PTPRE: variants seen among roughly 807,000 people sequenced by gnomAD.
PTPRE encodes the protein receptor-type tyrosine-protein phosphatase epsilon.
PTPRE carries 51 observed loss-of-function variants against 102.0 expected under a neutral mutation model. That is an observed-to-expected ratio of 0.50 (90% confidence interval 0.40 to 0.63). The LOEUF (loss-of-function observed/expected upper bound fraction) is 0.63, where lower values mean the gene tolerates loss of function less well. Among genes scored for constraint, PTPRE ranks in the 30% least tolerant of loss-of-function variants. PTPRE has a pLI of 0.00. For missense variants in PTPRE, 752 were observed against 915.1 expected, an observed-to-expected ratio of 0.82 and a Z score of 2.30; for synonymous variants, 345 against 348.2, an observed-to-expected ratio of 0.99 and a Z score of 0.10.
At chr10:127,977,868 C>T (rs1037717408) in intron 1 of PTPRE, among the ~76,000 whole-genome samples, 3 of 152,128 alleles carry the variant, frequency 2.0e-5, no homozygotes, top group Non-Finnish European at 2.9e-5. Context: ...AGGGCCTTGT[C>T]GGGCTCCCTC....
chr10:128,026,578 T>A (rs1487865076), intron 2 of PTPRE, among the ~76,000 whole-genome samples: 1 of 152,246 alleles, frequency 6.6e-6, no homozygotes, highest in East Asian at 1.9e-4. Flanking sequence ...CCCCTCATCC[T>A]TATTTCTCTG....
At chr10:127,972,134 G>A (rs989691118) in intron 1 of PTPRE, among the ~76,000 whole-genome samples, 1 of 152,148 alleles carries the variant, frequency 6.6e-6, no homozygotes, top group South Asian at 2.1e-4. Flanking sequence ...CATGGGGGAG[G>A]AGGAATCCTT....
chr10:128,073,409 A>T lies in PTPRE; in HGVS notation c.1537A>T (p.Met513Leu), dbSNP rs1485848953. ...LAHTVEDFWR[M>L]IWEWKSHTIV... The stretch of plus-strand genomic sequence containing the variant: ...ACACACGGTTGAGGACTTCTGGAGG[A>T]TGATCTGGGAATGGAAATCCCACAC... Residue 513 changes from methionine to leucine, a missense_variant, in exon 17 of 21, where the codon ATG (methionine) becomes TTG (leucine). This residue lies in a region of PTPRE where 636 missense variants were observed against 824.4 expected (regional missense o/e 0.77). Coordinates refer to ENST00000254667, the MANE Select transcript of PTPRE (RefSeq NM_006504.6). The T allele has an allele frequency of 2.5e-6, 4 of 1,614,054 alleles. No homozygotes were observed. The highest frequency in any genetic ancestry group is 1.7e-5 in the Admixed American group (1 of 60,002).
intron 1 of PTPRE, among the ~76,000 whole-genome samples, chr10:127,971,801 G>C (rs115729868): frequency 3.1e-3 from 477 of 152,332 alleles, no homozygotes; most frequent in African/African-American, 0.01. Flanking sequence ...GGCTCCCTCA[G>C]GCCGGTCAGA....
rs1851990271 is a variant in PTPRE at position 128,084,965 on chromosome 10, G to A, written c.*2059G>A. 2.9e-6 allele frequency: 1 copy of A among 347,300 alleles called. No homozygotes were observed. The highest frequency in any genetic ancestry group is 2.1e-5 in the African/African-American group (1 of 46,734). 21.5% of individuals were successfully genotyped at this position (347,300 alleles called of 1,614,324 possible). A position where few individuals can be genotyped will look rare whatever the true frequency, so the allele number is the denominator to read the frequency against. ...GTACCTTTAAGGTAGACCTTTTCAG[G>A]GTGCCCTCAGGAAAGGGCCCTGCTC... On this transcript the variant is annotated 3_prime_UTR_variant, in exon 21 of 21. Transcript: ENST00000254667.
chr10:127,953,592 A>G (rs1564823872), intron 1 of PTPRE, among the ~76,000 whole-genome samples: 2 of 152,310 alleles, frequency 1.3e-5, no homozygotes, highest in East Asian at 3.9e-4. Context: ...AGGCATAAGT[A>G]AGTTACATGA....
chr10:128,041,328 G>T (rs972389102), intron 3 of PTPRE, among the ~76,000 whole-genome samples: 1 of 152,112 alleles, frequency 6.6e-6, no homozygotes, highest in Non-Finnish European at 1.5e-5. Flanking sequence ...TGGATGAGGC[G>T]ATGTGACAGT....
At chr10:128,068,947 C>T (rs1195935401) in intron 12 of PTPRE, 2 of 152,642 alleles carry the variant, frequency 1.3e-5, no homozygotes, top group East Asian at 1.9e-4. Flanking sequence ...TGATTGGCCT[C>T]ACCAGGGTAT....
intron 10 of PTPRE, among the ~76,000 whole-genome samples, chr10:128,065,545 T>C (rs911570329): frequency 2.6e-5 from 4 of 152,172 alleles, no homozygotes; most frequent in Non-Finnish European, 5.9e-5. Context: ...GGCAGCCTCG[T>C]CCCTGCTAGA....
intron 1 of PTPRE, among the ~76,000 whole-genome samples, chr10:127,953,344 C>T (rs890311581): frequency 6.6e-6 from 1 of 152,184 alleles, no homozygotes. Flanking sequence ...GAGAAAGGCC[C>T]GGCCACTACC....
chr10:127,960,978 A>T (rs528957608), intron 1 of PTPRE, among the ~76,000 whole-genome samples: 1 of 150,844 alleles, frequency 6.6e-6, no homozygotes, highest in East Asian at 2.0e-4. Context: ...CTGAGATAGC[A>T]CCACTGCAGT....
intron 1 of PTPRE, among the ~76,000 whole-genome samples, chr10:127,908,361 G>A (rs1234393768): frequency 6.9e-6 from 1 of 145,584 alleles, no homozygotes; most frequent in East Asian, 2.2e-4. Flanking sequence ...GCGTCTGGAG[G>A]TCTTTGTGTC....
intron 1 of PTPRE, among the ~76,000 whole-genome samples, chr10:127,957,206 T>C (rs1370555391): frequency 6.6e-6 from 1 of 152,230 alleles, no homozygotes; most frequent in East Asian, 1.9e-4. Flanking sequence ...TAATTTTGCA[T>C]CTTACATTTA....
chr10:128,049,743 A>T (rs771010774), intron 6 of PTPRE, 77 bp downstream of exon 6: 1 of 1,589,064 alleles, frequency 6.3e-7, no homozygotes, highest in Non-Finnish European at 8.6e-7. Flanking sequence ...TTCAGGATGA[A>T]TTATCCCAAA....
At chr10:128,041,223 G>A (rs1205298965) in intron 3 of PTPRE, among the ~76,000 whole-genome samples, 2 of 152,184 alleles carry the variant, frequency 1.3e-5, no homozygotes, top group Non-Finnish European at 2.9e-5. Flanking sequence ...AACCCCAGCT[G>A]AGAGTCAGGG....
At chr10:128,021,802 G>T (rs977319630) in intron 2 of PTPRE, among the ~76,000 whole-genome samples, 2 of 152,332 alleles carry the variant, frequency 1.3e-5, no homozygotes, top group Non-Finnish European at 2.9e-5. Flanking sequence ...AAATAATCTT[G>T]CAGTTCTAAG....
intron 2 of PTPRE, among the ~76,000 whole-genome samples, chr10:127,990,068 A>G (rs1341751182): frequency 6.6e-6 from 1 of 152,192 alleles, no homozygotes; most frequent in East Asian, 1.9e-4. Context: ...TCCTTTCTCT[A>G]CTAAGTATAA....
chr10:128,035,173 A>G (rs1847105938), intron 2 of PTPRE, among the ~76,000 whole-genome samples: 1 of 152,052 alleles, frequency 6.6e-6, no homozygotes, highest in East Asian at 1.9e-4. Context: ...TTGTAGAGAC[A>G]GGGTTTTGCC....
At chr10:128,058,055 C>T (rs1466047140) in intron 7 of PTPRE, among the ~76,000 whole-genome samples, 2 of 152,238 alleles carry the variant, frequency 1.3e-5, no homozygotes, top group African/African-American at 2.4e-5. Flanking sequence ...GTGCTAAGCA[C>T]ATTCCTGAAT....
Sources: allele counts gnomAD v4.1 joint callset (sites outside exome capture counted in the v4.1 genomes callset), GRCh38; gene constraint gnomAD v4.1.1; regional missense constraint gnomAD v4.1.1; transcripts MANE v1.5; gene names NCBI Gene and HGNC (gene_info 2026-07-23, HGNC 2026-07-21).